Variants in TPCN1 observed in about 807,000 individuals in gnomAD.
TPCN1 encodes the protein two pore channel protein 1.
A neutral mutation model predicts 108.8 loss-of-function variants in TPCN1; 52 were observed. That is an observed-to-expected ratio of 0.48 (90% CI 0.38 to 0.60). The LOEUF is 0.60. Ranked by LOEUF, TPCN1 falls within the 20% of genes least tolerant of loss-of-function variation. The pLI, the probability that TPCN1 is intolerant of heterozygous loss-of-function variation, is 0.00. For synonymous variants in TPCN1, 446 were observed against 433.7 expected (o/e 1.03, Z -0.35); for missense variants, 806 against 1,072.8 (o/e 0.75, Z 3.47).
At chr12:113,223,663 G>A (rs1213292735) in intron 1 of TPCN1, among the ~76,000 whole-genome samples, 2 of 152,004 alleles carry the variant, frequency 1.3e-5, no homozygotes, top group South Asian at 4.2e-4. Context: ...CCTGCTTCAG[G>A]CTCCCCAGTA....
intron 2 of TPCN1, among the ~76,000 whole-genome samples, chr12:113,257,151 A>C (rs1417459789): frequency 1.3e-5 from 2 of 152,230 alleles, no homozygotes; most frequent in Non-Finnish European, 2.9e-5. Flanking sequence ...TGCAAATTTC[A>C]AGCATGAACA....
At position 113,288,731 on chromosome 12, in the gene TPCN1, C is replaced by A; in HGVS notation, c.1707-27C>A. On this transcript the variant is annotated intron_variant, in intron 20 of 27. Transcript: ENST00000335509. This position sits in a 1 kb window ranked among gnomAD's most constrained non-coding sequence, Gnocchi z 4.8. ...GAGCCGTTCCCTCCTGCCGGCCCCG[C>A]GTCACCCTGCCCCTGTCGCCCCACA... The A allele has an allele frequency of 6.2e-7, 1 of 1,609,530 alleles. No homozygotes were observed. Among genetic ancestry groups the A allele is most frequent in the Non-Finnish European group, 8.5e-7 (1 of 1,179,606 alleles).
chr12:113,268,992 A>G lies in TPCN1; in HGVS notation c.659+120A>G. The G allele has an allele frequency of 8.8e-7, 1 of 1,131,850 alleles. No homozygotes were observed. The highest frequency in any genetic ancestry group is 1.3e-6 in the Non-Finnish European group (1 of 780,268). 70.1% of individuals were successfully genotyped at this position (1,131,850 alleles called of 1,614,324 possible). ...GGTCGACCCTGCATGCTGGTGGAGT[A>G]CACGCAGACTCACTCTCCCTCTGCC... On this transcript the variant is annotated intron_variant, in intron 6 of 27. Coordinates refer to ENST00000335509, the MANE Select transcript of TPCN1 (RefSeq NM_017901.6). The surrounding 1 kb of genome is among the most constrained non-coding windows in gnomAD (Gnocchi z 7.3).
chr12:113,279,203 T>A (rs933311844), intron 14 of TPCN1, among the ~76,000 whole-genome samples: 11 of 151,470 alleles, frequency 7.3e-5, no homozygotes, highest in African/African-American at 2.7e-4. Flanking sequence ...CTGATGTGTT[T>A]CCCTCTGTGC....
chr12:113,246,108 C>T lies in TPCN1; in HGVS notation c.113-14260C>T, dbSNP rs1346521380. On this transcript the variant is annotated intron_variant, in intron 2 of 27. Transcript: ENST00000335509. Reference sequence around the variant, plus strand: ...CTGTCCTCTGCACCGGGATGTCTCTCCTGCTTCGAGTCAGAGTTTGCGTTG... The same window carrying T: ...CTGTCCTCTGCACCGGGATGTCTCTTCTGCTTCGAGTCAGAGTTTGCGTTG... 3.6e-5 allele frequency: 16 copies of T among 447,140 alleles called. No homozygotes were observed. In the East Asian group the frequency reaches 8.5e-4, roughly 24 times the overall value. 27.7% of individuals were successfully genotyped at this position (447,140 alleles called of 1,614,324 possible).
intron 2 of TPCN1, among the ~76,000 whole-genome samples, chr12:113,259,220 G>A (rs191476509): frequency 1.2e-4 from 18 of 152,184 alleles, no homozygotes; most frequent in East Asian, 3.9e-4. Flanking sequence ...CAGGTGATCC[G>A]TCCACCTTGG....
At chr12:113,247,252 G>C (rs529205928) in intron 2 of TPCN1, among the ~76,000 whole-genome samples, 1 of 152,224 alleles carries the variant, frequency 6.6e-6, no homozygotes, top group South Asian at 2.1e-4. Context: ...GGGCCTGCCG[G>C]GATTGGTTCC....
intron 12 of TPCN1, 34 bp from the exon 13 acceptor site, chr12:113,278,155 G>T: frequency 1.3e-6 from 2 of 1,594,340 alleles, no homozygotes; most frequent in South Asian, 2.2e-5. Context: ...ACTATGTTCT[G>T]ATATTTTGTC....
chr12:113,230,506 T>C (rs1445772977), intron 2 of TPCN1, among the ~76,000 whole-genome samples: 1 of 152,108 alleles, frequency 6.6e-6, no homozygotes, highest in Non-Finnish European at 1.5e-5. Flanking sequence ...CTTTTTGCTG[T>C]GTCCCCACGT....
At chr12:113,253,525 C>T (rs1324199117) in intron 2 of TPCN1, among the ~76,000 whole-genome samples, 2 of 152,136 alleles carry the variant, frequency 1.3e-5, no homozygotes, top group Non-Finnish European at 2.9e-5. Context: ...GAGATGGCTC[C>T]TTGATGTGGC....
chr12:113,226,933 C>A lies in TPCN1; in HGVS notation c.81C>A (p.Asn27Lys), dbSNP rs893543366. 6.2e-7 allele frequency: 1 copy of A among 1,614,022 alleles called. No individual in the cohort carries two copies. The highest frequency in any genetic ancestry group is 8.5e-7 in the Non-Finnish European group (1 of 1,180,000). The change falls in exon 2 of 28, where the codon AAC becomes AAA. Residue 27 changes from asparagine (N) to lysine (K), a missense_variant. Physicochemically the swap from Asn to Lys is moderately conservative, Grantham distance 94. Coordinates refer to ENST00000335509, the MANE Select transcript of TPCN1 (RefSeq NM_017901.6). ...EGGSAPLAPS[N>K]GLGQEELPSK... Reference sequence around the variant, plus strand: ...GCAGTGCCCCACTGGCTCCCTCCAACGGCCTGGGCCAAGAAGAGCTACCTA... The same window carrying A: ...GCAGTGCCCCACTGGCTCCCTCCAAAGGCCTGGGCCAAGAAGAGCTACCTA...
chr12:113,266,897 G>A lies in TPCN1; in HGVS notation c.414+541G>A, dbSNP rs948081355. Among the ~76,000 whole-genome samples the A allele has an allele frequency of 1.3e-5, 2 of 152,182 alleles. No individual in the cohort carries two copies. The highest frequency in any genetic ancestry group is 2.4e-5 in the African/African-American group (1 of 41,428). ...GCCTGTGCCTGTTGAGTTAGGAAGC[G>A]CTCATCCAGCCTGGCCTCCAAGGCC... On this transcript the variant is annotated intron_variant, in intron 4 of 27. Transcript: ENST00000335509. The surrounding 1 kb of genome is among the most constrained non-coding windows in gnomAD (Gnocchi z 4.2).
chr12:113,290,012 C>T (rs984030725), intron 21 of TPCN1, 116 bp from the exon 22 acceptor site: 7 of 659,452 alleles, frequency 1.1e-5, no homozygotes, highest in East Asian at 2.8e-5. Flanking sequence ...AACCAGGCTG[C>T]GGGCAGAACA....
chr12:113,249,079 C>T (rs1398356508), intron 2 of TPCN1, among the ~76,000 whole-genome samples: 2 of 152,126 alleles, frequency 1.3e-5, no homozygotes, highest in African/African-American at 2.4e-5. Context: ...CCCCAAGATT[C>T]TCTGTTGGTG....
At chr12:113,265,798 C>T (rs1374161214) in intron 3 of TPCN1, among the ~76,000 whole-genome samples, 1 of 152,004 alleles carries the variant, frequency 6.6e-6, no homozygotes, top group Admixed American at 6.6e-5. Flanking sequence ...GCACCCAGCC[C>T]CTCCCCTCTT....
Position 113,266,170 on chromosome 12 carries a change from A to T in TPCN1, c.238-10A>T, listed in dbSNP as rs777139955. 1.2e-6 allele frequency: 2 copies of T among 1,613,710 alleles called. No homozygotes were observed. Among genetic ancestry groups the T allele is most frequent in the East Asian group, 4.5e-5 (2 of 44,860 alleles). On this transcript the variant is annotated splice_polypyrimidine_tract_variant and intron_variant, in intron 3 of 27. Coordinates refer to ENST00000335509, the MANE Select transcript of TPCN1 (RefSeq NM_017901.6). This position sits in a 1 kb window ranked among gnomAD's most constrained non-coding sequence, Gnocchi z 4.2. ...AGGCTTACATGCCCACACTACTCTC[A>T]TCTTTTCAGGAAGGCGAGAACAACG...
At chr12:113,244,241 C>T (rs1593102515) in intron 2 of TPCN1, 1 of 914,342 alleles carries the variant, frequency 1.1e-6, no homozygotes, top group Non-Finnish European at 1.3e-6. Context: ...GTGGTACTGC[C>T]CCGTTGAGCC....
intron 15 of TPCN1, among the ~76,000 whole-genome samples, chr12:113,281,295 C>T (rs1955880244): frequency 6.6e-6 from 1 of 152,152 alleles, no homozygotes. Context: ...CTGCCTCAGC[C>T]TCCCAAAGTG....
intron 18 of TPCN1, among the ~76,000 whole-genome samples, chr12:113,286,580 C>T (rs1413990851): frequency 6.6e-6 from 1 of 152,212 alleles, no homozygotes; most frequent in African/African-American, 2.4e-5. Context: ...GCTCTCTTCC[C>T]TCAAAAAGTT....
Sources: allele counts gnomAD v4.1 joint callset (sites outside exome capture counted in the v4.1 genomes callset), GRCh38; gene constraint gnomAD v4.1.1; non-coding constraint Gnocchi (gnomAD v3.1); transcripts MANE v1.5; gene names NCBI Gene and HGNC (gene_info 2026-07-23, HGNC 2026-07-21).